Variants in COMMD10 observed in about 807,000 individuals in gnomAD.
COMMD10 encodes the protein COMM domain containing 10.
A neutral mutation model predicts 28.9 loss-of-function variants in COMMD10; 33 were observed. The ratio of observed to expected loss-of-function variants is 1.14; its 90% CI spans 0.87 to 1.53. The LOEUF is 1.53. Among genes scored for constraint, COMMD10 ranks in the 40% most tolerant of loss-of-function variants. The pLI, the probability that COMMD10 is intolerant of heterozygous loss-of-function variation, is 0.00. For synonymous variants in COMMD10, 110 were observed against 81.7 expected, an observed-to-expected ratio of 1.35 and a Z score of -1.87; for missense variants, 310 against 233.4, an observed-to-expected ratio of 1.33 and a Z score of -2.14.
At chr5:116,120,120 C>G (rs928999221) in intron 4 of COMMD10, among the ~76,000 whole-genome samples, 2 of 151,886 alleles carry the variant, frequency 1.3e-5, no homozygotes, top group Admixed American at 6.6e-5. Context: ...CATCAACCAA[C>G]AAATGAATAA....
chr5:116,282,534 G>A (rs992654071), intron 5 of COMMD10, among the ~76,000 whole-genome samples: 1 of 151,864 alleles, frequency 6.6e-6, no homozygotes, highest in African/African-American at 2.4e-5. Context: ...CCCAGAAGAG[G>A]TGTTTGGTCT....
chr5:116,182,062 T>C (rs1580527491), intron 5 of COMMD10, among the ~76,000 whole-genome samples: 1 of 152,172 alleles, frequency 6.6e-6, no homozygotes, highest in South Asian at 2.1e-4. Context: ...AAGGAGATGA[T>C]TGATACTATT....
At chr5:116,259,262 C>G (rs1210645615) in intron 5 of COMMD10, among the ~76,000 whole-genome samples, 1 of 151,174 alleles carries the variant, frequency 6.6e-6, no homozygotes, top group East Asian at 1.9e-4. Context: ...AGGATCTCAC[C>G]ATGTTGGCCA....
chr5:116,241,706 G>A (rs752054814), intron 5 of COMMD10, among the ~76,000 whole-genome samples: 18 of 151,942 alleles, frequency 1.2e-4, no homozygotes, highest in South Asian at 4.2e-4. Context: ...TCCGCCTCCC[G>A]GGTTCTCGCC....
At chr5:116,267,985 C>G (rs1349962753) in intron 5 of COMMD10, among the ~76,000 whole-genome samples, 1 of 151,738 alleles carries the variant, frequency 6.6e-6, no homozygotes, top group Admixed American at 6.6e-5. Flanking sequence ...AGACCTAAAA[C>G]CATAAAAACC....
At chr5:116,261,610 T>G (rs1359134798) in intron 5 of COMMD10, among the ~76,000 whole-genome samples, 1 of 151,832 alleles carries the variant, frequency 6.6e-6, no homozygotes, top group Non-Finnish European at 1.5e-5. Flanking sequence ...CCAAAACACT[T>G]GACTCCTGCC....
At chr5:116,115,210 A>G (rs961714555) in intron 4 of COMMD10, among the ~76,000 whole-genome samples, 33 of 152,086 alleles carry the variant, frequency 2.2e-4, no homozygotes, top group Non-Finnish European at 2.1e-4. Flanking sequence ...TTCCCAAGTC[A>G]AATTCAAGGT....
chr5:116,108,591 G>C (rs2112732922), intron 4 of COMMD10, among the ~76,000 whole-genome samples: 1 of 152,350 alleles, frequency 6.6e-6, no homozygotes, highest in East Asian at 1.9e-4. Flanking sequence ...CTAGCAGCGA[G>C]AATTTCACGT....
intron 5 of COMMD10, among the ~76,000 whole-genome samples, chr5:116,251,282 A>AT (rs1561392552): frequency 6.8e-6 from 1 of 147,012 alleles, no homozygotes; most frequent in African/African-American, 2.5e-5. Flanking sequence ...TTATTTATTT[A>AT]TTTATTTATT....
chr5:116,121,079 C>T (rs867079863), intron 4 of COMMD10, among the ~76,000 whole-genome samples: 2 of 152,012 alleles, frequency 1.3e-5, no homozygotes, highest in Non-Finnish European at 1.5e-5. Context: ...TTATGCCGCA[C>T]CCATTAACTC....
chr5:116,230,931 T>C (rs1464374523), intron 5 of COMMD10, among the ~76,000 whole-genome samples: 1 of 152,128 alleles, frequency 6.6e-6, no homozygotes, highest in African/African-American at 2.4e-5. Context: ...TGGCTTTCCA[T>C]TGACTTACTG....
intron 5 of COMMD10, among the ~76,000 whole-genome samples, chr5:116,171,617 G>T (rs977534810): frequency 6.6e-6 from 1 of 152,114 alleles, no homozygotes; most frequent in African/African-American, 2.4e-5. Context: ...AGAAAATGTG[G>T]CACATATACA....
At chr5:116,122,980 G>A (rs1048139258) in intron 4 of COMMD10, among the ~76,000 whole-genome samples, 1 of 151,976 alleles carries the variant, frequency 6.6e-6, no homozygotes, top group African/African-American at 2.4e-5. Context: ...TCTTTCTCTT[G>A]CCTGCTTGCC....
intron 5 of COMMD10, among the ~76,000 whole-genome samples, chr5:116,239,503 G>A (rs936860983): frequency 3.9e-5 from 6 of 152,130 alleles, no homozygotes; most frequent in Non-Finnish European, 8.8e-5. Context: ...GCCTCTCTTT[G>A]AGCAGTACAT....
chr5:116,159,206 A>C (rs539763663), intron 5 of COMMD10, among the ~76,000 whole-genome samples: 1 of 152,310 alleles, frequency 6.6e-6, no homozygotes, highest in Admixed American at 6.5e-5. Context: ...GTAAGAACCC[A>C]CATGATCTAA....
chr5:116,206,601 A>G (rs1443251956), intron 5 of COMMD10, among the ~76,000 whole-genome samples: 1 of 152,152 alleles, frequency 6.6e-6, no homozygotes, highest in Non-Finnish European at 1.5e-5. Context: ...GCAGAGAGCC[A>G]AGATAGTGCC....
chr5:116,247,836 A>G (rs1242042946), intron 5 of COMMD10, among the ~76,000 whole-genome samples: 2 of 151,974 alleles, frequency 1.3e-5, no homozygotes, highest in African/African-American at 4.8e-5. Context: ...GAGGAAGGAA[A>G]GGATCAGGAA....
At chr5:116,253,705 T>C (rs1230843727) in intron 5 of COMMD10, among the ~76,000 whole-genome samples, 1 of 148,942 alleles carries the variant, frequency 6.7e-6, no homozygotes, top group Non-Finnish European at 1.5e-5. Context: ...TTGCCAGTAT[T>C]TTATTGAGGA....
chr5:116,210,422 T>C (rs1748931416), intron 5 of COMMD10, among the ~76,000 whole-genome samples: 1 of 152,124 alleles, frequency 6.6e-6, no homozygotes, highest in South Asian at 2.1e-4. Context: ...AAGATAATTA[T>C]ATTTTAAAAG....
Sources: allele counts gnomAD v4.1 joint callset (sites outside exome capture counted in the v4.1 genomes callset), GRCh38; gene constraint gnomAD v4.1.1; transcripts MANE v1.5; gene names NCBI Gene and HGNC (gene_info 2026-07-23, HGNC 2026-07-21).